AGPAT4: variants seen among roughly 807,000 people sequenced by gnomAD.
The protein encoded by AGPAT4 is 1-acylglycerol-3-phosphate O-acyltransferase 4.
Under a neutral mutation model 48.0 loss-of-function variants are expected in AGPAT4, and 15 were observed. That is an observed-to-expected ratio of 0.31 (90% CI 0.21 to 0.48). AGPAT4 has a LOEUF of 0.48. Ranked by LOEUF, AGPAT4 falls within the 20% of genes least tolerant of loss-of-function variation. The pLI is 0.99. For synonymous variants in AGPAT4, 178 were observed against 198.7 expected, an observed-to-expected ratio of 0.90 and a Z score of 0.88; for missense variants, 314 against 482.5, an observed-to-expected ratio of 0.65 and a Z score of 3.27.
rs1247110272 is a variant in AGPAT4, at chr6:161,243,294, C to T, written c.-89-10992G>A. 2.0e-5 allele frequency among the ~76,000 whole-genome samples: 3 copies of T among 152,106 alleles called. No individual in the cohort carries two copies. Among genetic ancestry groups the T allele is most frequent in the Admixed American group, 2.0e-4 (3 of 15,282 alleles). ...TAGGGAAATGGCCCAAGACCCGGCC[C>T]TGGGCCGGCAGAAGCAGGCGTGAGG... On this transcript the variant is annotated intron_variant, in intron 1 of 8. Coordinates refer to ENST00000320285, the MANE Select transcript of AGPAT4 (RefSeq NM_020133.3). The surrounding 1 kb of genome is among the most constrained non-coding windows in gnomAD (Gnocchi z 4.8).
rs1379367335 is a variant in AGPAT4, at chr6:161,245,571, G to A, written c.-89-13269C>T. On this transcript the variant is annotated intron_variant, in intron 1 of 8. Transcript: ENST00000320285. This position sits in a 1 kb window ranked among gnomAD's most constrained non-coding sequence, Gnocchi z 5.2. Reference sequence around the variant, plus strand: ...CTTACTTTTTGTGGGGTGGTTCAGCGAGGGGCTGCTCAGGGGAGCAGTTTA... The same window carrying A: ...CTTACTTTTTGTGGGGTGGTTCAGCAAGGGGCTGCTCAGGGGAGCAGTTTA... Among the ~76,000 whole-genome samples the A allele has an allele frequency of 6.6e-6, 1 of 152,158 alleles. No homozygotes were observed. The highest frequency in any genetic ancestry group is 1.5e-5 in the Non-Finnish European group (1 of 68,034).
At chr6:161,268,632 C>T (rs1783334470) in intron 1 of AGPAT4, among the ~76,000 whole-genome samples, 1 of 152,174 alleles carries the variant, frequency 6.6e-6, no homozygotes, top group African/African-American at 2.4e-5. Flanking sequence ...AGCAGAGATG[C>T]CCGTGCCAAC....
chr6:161,248,221 CA>C (rs1782713171), intron 1 of AGPAT4, among the ~76,000 whole-genome samples: 1 of 152,004 alleles, frequency 6.6e-6, no homozygotes, highest in South Asian at 2.1e-4. Flanking sequence ...TATACACCAA[CA>C]ATAGACAAGC....
intron 1 of AGPAT4, among the ~76,000 whole-genome samples, chr6:161,268,266 G>C (rs1783321033): frequency 6.6e-6 from 1 of 152,206 alleles, no homozygotes; most frequent in African/African-American, 2.4e-5. Context: ...AGTCACCTCA[G>C]TGTCTCTAAT....
In AGPAT4 at chr6:161,259,261, C is replaced by A. The variant is rs1783034151; in HGVS notation, c.-90+14677G>T. On this transcript the variant is annotated intron_variant, in intron 1 of 8. Coordinates refer to ENST00000320285, the MANE Select transcript of AGPAT4 (RefSeq NM_020133.3). The surrounding 1 kb of genome is among the most constrained non-coding windows in gnomAD (Gnocchi z 4.9). The stretch of plus-strand genomic sequence containing the variant: ...ATGATGAGAAAGTTTAAAATCTATT[C>A]TTTTAGTAATGTTTAAATACACATT... 6.6e-6 allele frequency among the ~76,000 whole-genome samples: 1 copy of A among 152,078 alleles called. No individual in the cohort carries two copies. The highest frequency in any genetic ancestry group is 1.5e-5 in the Non-Finnish European group (1 of 68,018).
At chr6:161,175,277 C>T (rs1269679066) in intron 2 of AGPAT4, among the ~76,000 whole-genome samples, 1 of 152,152 alleles carries the variant, frequency 6.6e-6, no homozygotes, top group East Asian at 1.9e-4. Flanking sequence ...CCATCTGGTC[C>T]TGGACTTTTT....
Position 161,177,830 on chromosome 6 carries a change from A to G in AGPAT4, c.179-11413T>C, listed in dbSNP as rs6924597. Among the ~76,000 whole-genome samples, 48,925 of 151,976 alleles carry G rather than the reference A, an allele frequency of 0.32. 9,529 individuals are homozygous for G. The highest frequency in any genetic ancestry group is 0.55 in the African/African-American group (22,778 of 41,460). On this transcript the variant is annotated intron_variant, in intron 2 of 8. Coordinates refer to ENST00000320285, the MANE Select transcript of AGPAT4 (RefSeq NM_020133.3). This position sits in a 1 kb window ranked among gnomAD's most constrained non-coding sequence, Gnocchi z 5.0. ...GATGGTGACGTACAGATGGAGTTTT[A>G]GTGTGGATGTCCTTTCCGTTTGTTA...
chr6:161,165,823 G>GTCAC lies in AGPAT4; in HGVS notation c.348+424_348+425insGTGA, dbSNP rs1412420694. 1.7e-6 allele frequency: 1 copy of GTCAC among 590,424 alleles called. No homozygotes were observed. Among genetic ancestry groups the GTCAC allele is most frequent in the African/African-American group, 1.8e-5 (1 of 54,236 alleles). The allele number at this position is 590,424 out of a possible 1,614,324, so 36.6% of individuals were successfully genotyped here. A position where few individuals can be genotyped will look rare whatever the true frequency, so the allele number is the denominator to read the frequency against. ...AAGCCTTCAACGATCAAAATGCAGA[G>GTCAC]GTGATGTCTGCCTGTTAGCCAAGGA... On this transcript the variant is annotated intron_variant, in intron 3 of 8. Transcript: ENST00000320285. The surrounding 1 kb of genome is among the most constrained non-coding windows in gnomAD (Gnocchi z 5.5).
chr6:161,170,296 C>G (rs1780227014), intron 2 of AGPAT4, among the ~76,000 whole-genome samples: 1 of 152,154 alleles, frequency 6.6e-6, no homozygotes, highest in South Asian at 2.1e-4. Context: ...GAGATGATGT[C>G]TACATATCTC....
rs1780087179 is a variant in AGPAT4, at chr6:161,166,041, A to G, written c.348+207T>C. On this transcript the variant is annotated intron_variant, in intron 3 of 8. Coordinates refer to ENST00000320285, the MANE Select transcript of AGPAT4 (RefSeq NM_020133.3). The surrounding 1 kb of genome is among the most constrained non-coding windows in gnomAD (Gnocchi z 6.7). ...TATGTAAAATGGCCGGCAGGTAGCA[A>G]TTGTTGAGTACCTCTTATGATTGCC... The G allele has an allele frequency of 4.5e-6, 3 of 663,914 alleles. No individual in the cohort carries two copies. The highest frequency in any genetic ancestry group is 7.9e-6 in the Non-Finnish European group (3 of 381,616). 41.1% of individuals were successfully genotyped at this position (663,914 alleles called of 1,614,324 possible). A position where few individuals can be genotyped will look rare whatever the true frequency, so the allele number is the denominator to read the frequency against.
chr6:161,266,242 G>C lies in AGPAT4; in HGVS notation c.-90+7696C>G, dbSNP rs998304964. 1.1e-4 allele frequency among the ~76,000 whole-genome samples: 16 copies of C among 152,190 alleles called. No individual in the cohort carries two copies. The highest frequency in any genetic ancestry group is 2.2e-4 in the Non-Finnish European group (15 of 68,024). On this transcript the variant is annotated intron_variant, in intron 1 of 8. Coordinates refer to ENST00000320285, the MANE Select transcript of AGPAT4 (RefSeq NM_020133.3). The surrounding 1 kb of genome is among the most constrained non-coding windows in gnomAD (Gnocchi z 6.2). ...GGCCCAAAATCTCAACATCGAGATT[G>C]AGAAACACCTCGCCCTCAAGGAATG...
chr6:161,154,292 T>C lies in AGPAT4; in HGVS notation c.367A>G (p.Lys123Glu), dbSNP rs1295851413. 6.2e-7 allele frequency: 1 copy of C among 1,614,010 alleles called. No individual in the cohort carries two copies. The highest frequency in any genetic ancestry group is 1.3e-5 in the African/African-American group (1 of 74,910). The change falls in exon 4 of 9, where the codon AAG becomes GAG. Residue 123 changes from lysine to glutamate, a missense_variant. Physicochemically the swap from Lys to Glu is moderately conservative, Grantham distance 56 (BLOSUM62 1). Coordinates refer to ENST00000320285, the MANE Select transcript of AGPAT4 (RefSeq NM_020133.3). The surrounding 1 kb of genome is among the most constrained non-coding windows in gnomAD (Gnocchi z 7.8). ...ATTGGGACATAGGCCAGCTCTTTCT[T>C]GGCCAGGACCTTGGAGCCCTGAAAC... ...GLLGGSKVLA[K>E]KELAYVPIIG... is the part of the protein sequence containing the mutation.
chr6:161,192,229 C>A (rs1040526803), intron 2 of AGPAT4, among the ~76,000 whole-genome samples: 21 of 142,394 alleles, frequency 1.5e-4, no homozygotes, highest in Non-Finnish European at 2.4e-4. Context: ...CAGCTCACTG[C>A]AACCTCTGCC....
At chr6:161,256,399 G>T (rs1378512278) in intron 1 of AGPAT4, among the ~76,000 whole-genome samples, 2 of 152,198 alleles carry the variant, frequency 1.3e-5, no homozygotes, top group Admixed American at 1.3e-4. Flanking sequence ...CAAATATTTT[G>T]TTCTCCTTCC....
rs147630873 is a variant in AGPAT4, at chr6:161,201,089, G to A, written c.178+30947C>T. 3.5e-3 allele frequency among the ~76,000 whole-genome samples: 535 copies of A among 152,236 alleles called. 3 individuals are homozygous for A. The highest frequency in any genetic ancestry group is 0.012 in the African/African-American group (503 of 41,510). ...CCGAGGAAGTCATCATGAGCCGTGC[G>A]GTGTTGCAAAGGAAATCTTGTCCCA... On this transcript the variant is annotated intron_variant, in intron 2 of 8. Coordinates refer to ENST00000320285, the MANE Select transcript of AGPAT4 (RefSeq NM_020133.3). This position sits in a 1 kb window ranked among gnomAD's most constrained non-coding sequence, Gnocchi z 6.0.
intron 1 of AGPAT4, among the ~76,000 whole-genome samples, chr6:161,253,355 C>T (rs906383854): frequency 2.7e-5 from 4 of 150,594 alleles, no homozygotes; most frequent in East Asian, 2.0e-4. Context: ...CCCAGGTTCA[C>T]GCCATTCTCC....
chr6:161,220,712 A>C lies in AGPAT4; in HGVS notation c.178+11324T>G, dbSNP rs920779652. On this transcript the variant is annotated intron_variant, in intron 2 of 8. Transcript: ENST00000320285. The surrounding 1 kb of genome is among the most constrained non-coding windows in gnomAD (Gnocchi z 6.0). ...TATGTTTGAAGGACAGTTTCATTCTATCTTTCCTACGCAGACTGCCCCATT... is the reference window on the plus strand; with the variant it reads ...TATGTTTGAAGGACAGTTTCATTCTCTCTTTCCTACGCAGACTGCCCCATT... Among the ~76,000 whole-genome samples the C allele has an allele frequency of 6.6e-6, 1 of 152,130 alleles. No homozygotes were observed. The highest frequency in any genetic ancestry group is 1.5e-5 in the Non-Finnish European group (1 of 68,022).
chr6:161,176,364 T>C (rs1780428314), intron 2 of AGPAT4, among the ~76,000 whole-genome samples: 1 of 152,370 alleles, frequency 6.6e-6, no homozygotes, highest in Non-Finnish European at 1.5e-5. Flanking sequence ...CTCTTCTTGT[T>C]GAATTGATCC....
intron 2 of AGPAT4, among the ~76,000 whole-genome samples, chr6:161,227,213 G>T (rs1433357935): frequency 6.6e-6 from 1 of 152,160 alleles, no homozygotes; most frequent in East Asian, 1.9e-4. Flanking sequence ...AGAAACACCG[G>T]CCTCTAGTAG....
Sources: gnomAD v4.1 joint callset for allele counts (sites outside exome capture counted in the v4.1 genomes callset) on GRCh38, gnomAD v4.1.1 for gene constraint, Gnocchi (gnomAD v3.1) non-coding constraint, MANE v1.5 for transcripts, NCBI Gene and HGNC (gene_info 2026-07-23, HGNC 2026-07-21) for gene names.